The following TEC variants were observed in gnomAD, a reference collection of about 807,000 sequenced individuals.
The protein encoded by TEC is tyrosine-protein kinase Tec.
A neutral mutation model predicts 93.0 loss-of-function variants in TEC; 72 were observed. That is an observed-to-expected ratio of 0.77 (90% CI 0.64 to 0.94). The LOEUF is 0.94. Among genes scored for constraint, TEC ranks in the 40% least tolerant of loss-of-function variants. The pLI, the probability that TEC is intolerant of heterozygous loss-of-function variation, is 0.00. For missense variants in TEC, 630 were observed against 757.9 expected (o/e 0.83, Z 1.98); for synonymous variants, 249 against 247.7 (o/e 1.01, Z -0.05).
At chr4:48,159,213 AGAG>A (rs138240381) in intron 8 of TEC, among the ~76,000 whole-genome samples, 100 of 152,300 alleles carry the variant, frequency 6.6e-4, no homozygotes, top group Non-Finnish European at 1.0e-3. Flanking sequence ...TAATTTATAA[AGAG>A]AAGAGGTATA....
intron 1 of TEC, among the ~76,000 whole-genome samples, chr4:48,230,388 G>C (rs912174888): frequency 1.3e-5 from 2 of 152,186 alleles, no homozygotes; most frequent in Non-Finnish European, 2.9e-5. Context: ...CACAAGGTCA[G>C]TGTGAGGTTT....
intron 2 of TEC, among the ~76,000 whole-genome samples, chr4:48,206,668 G>T (rs1378359272): frequency 1.3e-5 from 2 of 151,356 alleles, no homozygotes; most frequent in African/African-American, 4.9e-5. Flanking sequence ...TTGGCCAGGC[G>T]TGATGGCTCA....
intron 1 of TEC, among the ~76,000 whole-genome samples, chr4:48,263,704 C>CA (rs1218274378): frequency 4.0e-5 from 6 of 151,378 alleles, no homozygotes; most frequent in African/African-American, 1.2e-4. Context: ...CCACCCCCGC[C>CA]AAAAAAAAGA....
At chr4:48,142,713 G>A (rs185735808) in intron 14 of TEC, among the ~76,000 whole-genome samples, 48 of 151,712 alleles carry the variant, frequency 3.2e-4, no homozygotes, top group South Asian at 2.9e-3. Flanking sequence ...ACTGAGTCTC[G>A]CTCTGTCACC....
intron 2 of TEC, among the ~76,000 whole-genome samples, chr4:48,226,716 G>C (rs922906261): frequency 5.9e-5 from 9 of 152,176 alleles, no homozygotes; most frequent in African/African-American, 2.2e-4. Flanking sequence ...TTTGCGGGGG[G>C]AGTCAAAAGC....
intron 1 of TEC, among the ~76,000 whole-genome samples, chr4:48,243,542 C>T (rs1723974382): frequency 6.6e-6 from 1 of 152,208 alleles, no homozygotes; most frequent in African/African-American, 2.4e-5. Context: ...CATTTACACA[C>T]TCAACAACTG....
chr4:48,264,793 C>T (rs188201719), intron 1 of TEC, among the ~76,000 whole-genome samples: 13 of 152,232 alleles, frequency 8.5e-5, no homozygotes, highest in Middle Eastern at 3.4e-3. Context: ...CACGCCACCA[C>T]GCCTGGCTAA....
At chr4:48,171,967 A>T (rs1721131925) in intron 3 of TEC, among the ~76,000 whole-genome samples, 1 of 152,220 alleles carries the variant, frequency 6.6e-6, no homozygotes, top group Non-Finnish European at 1.5e-5. Context: ...ATAAAGGCCT[A>T]CCCAGGCCCC....
intron 1 of TEC, among the ~76,000 whole-genome samples, chr4:48,255,032 A>G (rs1048966582): frequency 6.6e-6 from 1 of 152,254 alleles, no homozygotes; most frequent in Non-Finnish European, 1.5e-5. Flanking sequence ...AAAAATACTC[A>G]TCTTCTGAAA....
Position 48,141,269 on chromosome 4 carries a change from C to T in TEC, c.1535+86G>A, listed in dbSNP as rs1236645181. On this transcript the variant is annotated intron_variant, in intron 15 of 17. Transcript: ENST00000381501. ...ACCAGTTAACAAGATTTCCTTTCTG[C>T]TTCATCAGTGCAAATTATTCCCACA... The T allele has an allele frequency of 2.8e-5, 32 of 1,162,262 alleles. No homozygotes were observed. The Admixed American group carries it at 5.6e-4, about 20-fold the overall frequency. 72.0% of individuals were successfully genotyped at this position (1,162,262 alleles called of 1,614,324 possible).
chr4:48,265,516 T>TATA (rs577783171), intron 1 of TEC, among the ~76,000 whole-genome samples: 39 of 43,652 alleles, frequency 8.9e-4, no homozygotes, highest in Middle Eastern at 0.026. Flanking sequence ...TATATATATA[T>TATA]TTTTTTTTTT....
intron 2 of TEC, among the ~76,000 whole-genome samples, chr4:48,205,915 C>T (rs906572080): frequency 6.6e-5 from 10 of 152,064 alleles, no homozygotes; most frequent in Admixed American, 3.9e-4. Context: ...TTTCCAGTAG[C>T]CAAAAGGTGG....
At chr4:48,165,678 G>A (rs1247271866) in intron 7 of TEC, among the ~76,000 whole-genome samples, 1 of 152,120 alleles carries the variant, frequency 6.6e-6, no homozygotes, top group Non-Finnish European at 1.5e-5. Flanking sequence ...GGCATATTAA[G>A]TGACACCACA....
At chr4:48,178,028 GT>G (rs1406200435) in intron 2 of TEC, among the ~76,000 whole-genome samples, 8 of 152,256 alleles carry the variant, frequency 5.3e-5, no homozygotes, top group African/African-American at 1.9e-4. Context: ...TTATAGCAGT[GT>G]GAGAATGGAC....
rs541212035 is a variant in TEC at position 48,137,324 on chromosome 4, T to G, written c.*92A>C. On this transcript the variant is annotated 3_prime_UTR_variant, in exon 18 of 18. Coordinates refer to ENST00000381501, the MANE Select transcript of TEC (RefSeq NM_003215.3). ...TGTTTCCACTGTATAAGTAAAATGA[T>G]CTACATGTCCAAGTGCTCAATAAAT... 2.6e-5 allele frequency: 25 copies of G among 977,086 alleles called. No individual in the cohort carries two copies. In the East Asian group the frequency reaches 6.1e-4, roughly 24 times the overall value. The allele number at this position is 977,086 out of a possible 1,614,324, so 60.5% of individuals were successfully genotyped here. A position where few individuals can be genotyped will look rare whatever the true frequency, so the allele number is the denominator to read the frequency against.
In TEC at chr4:48,136,100, G is replaced by A. The variant is rs1560367583; in HGVS notation, c.*1316C>T. ...GGCAATAAACGGTCTCTGGATGACT[G>A]ATACAGTTTCTTTTCGCTGGCGCTC... On this transcript the variant is annotated 3_prime_UTR_variant, in exon 18 of 18. Transcript: ENST00000381501. 1 of 152,242 alleles carries A rather than the reference G, an allele frequency of 6.6e-6. No homozygotes were observed. Among genetic ancestry groups the A allele is most frequent in the African/African-American group, 2.4e-5 (1 of 41,466 alleles). 9.4% of individuals were successfully genotyped at this position (152,242 alleles called of 1,614,324 possible).
At chr4:48,186,645 G>A (rs918372384) in intron 2 of TEC, among the ~76,000 whole-genome samples, 7 of 150,956 alleles carry the variant, frequency 4.6e-5, no homozygotes, top group Non-Finnish European at 1.0e-4. Flanking sequence ...GAAGTGAGGA[G>A]CCCCTGCGCC....
chr4:48,174,198 T>C (rs1449133725), intron 3 of TEC, among the ~76,000 whole-genome samples: 2 of 152,220 alleles, frequency 1.3e-5, no homozygotes, highest in Non-Finnish European at 2.9e-5. Context: ...AGTTCAGGGA[T>C]GGAATGCGTT....
At chr4:48,210,524 G>A (rs377736897) in intron 2 of TEC, among the ~76,000 whole-genome samples, 2 of 123,256 alleles carry the variant, frequency 1.6e-5, no homozygotes, top group East Asian at 4.0e-4. Context: ...AGGATGATGA[G>A]GAGGAGGAGG....
Sources: allele counts gnomAD v4.1 joint callset (sites outside exome capture counted in the v4.1 genomes callset), GRCh38; gene constraint gnomAD v4.1.1; transcripts MANE v1.5; gene names NCBI Gene and HGNC (gene_info 2026-07-23, HGNC 2026-07-21).